Variants in GPHN observed in about 807,000 individuals in gnomAD.
The protein encoded by GPHN is gephyrin.
GPHN carries 17 observed loss-of-function variants against 95.5 expected under a neutral mutation model. That is an observed-to-expected ratio of 0.18 (90% confidence interval 0.12 to 0.27). The LOEUF (loss-of-function observed/expected upper bound fraction) is 0.27. Among genes scored for constraint, GPHN ranks in the 10% least tolerant of loss-of-function variants. The pLI is 1.00. For missense variants in GPHN, 660 were observed against 978.1 expected (o/e 0.67, Z 4.34); for synonymous variants, 320 against 322.5 (o/e 0.99, Z 0.08).
chr14:66,646,804 G>A (rs943748217), intron 1 of GPHN, among the ~76,000 whole-genome samples: 3 of 152,050 alleles, frequency 2.0e-5, no homozygotes, highest in Non-Finnish European at 4.4e-5. Flanking sequence ...CACACAACAG[G>A]GTAATTATAT....
chr14:67,150,694 T>A (rs1384931249), intron 18 of GPHN, among the ~76,000 whole-genome samples: 1 of 151,976 alleles, frequency 6.6e-6, no homozygotes, highest in Admixed American at 6.5e-5. Context: ...ATTATTGTTA[T>A]TTAAGTTTGG....
intron 12 of GPHN, among the ~76,000 whole-genome samples, chr14:67,095,345 T>A (rs2077316627): frequency 6.6e-6 from 1 of 152,180 alleles, no homozygotes; most frequent in African/African-American, 2.4e-5. Context: ...TGTAAACTAG[T>A]TCAACCACTG....
chr14:66,863,834 T>C (rs568760159), intron 4 of GPHN, among the ~76,000 whole-genome samples: 4 of 152,222 alleles, frequency 2.6e-5, no homozygotes, highest in Admixed American at 6.5e-5. Flanking sequence ...GATTAAAAAC[T>C]TAAATCTAAG....
At chr14:67,577,232 G>A in the GPHN span, 2 of 929,166 alleles carry the variant, frequency 2.2e-6, no homozygotes, top group Non-Finnish European at 3.4e-6. Context: ...ATTAAAGATG[G>A]CGGTGAGTGG....
chr14:66,513,166 TG>T (rs1566738235), intron 1 of GPHN, among the ~76,000 whole-genome samples: 1 of 151,806 alleles, frequency 6.6e-6, no homozygotes, highest in Non-Finnish European at 1.5e-5. Context: ...CTATTATCAT[TG>T]GTCAAAGACT....
intron 14 of GPHN, among the ~76,000 whole-genome samples, chr14:67,110,476 A>G (rs186127453): frequency 2.0e-5 from 3 of 152,310 alleles, no homozygotes; most frequent in East Asian, 1.9e-4. Context: ...AGGGGTTTCT[A>G]TGATCATTGC....
chr14:66,510,660 T>C (rs1238635933), intron 1 of GPHN, among the ~76,000 whole-genome samples: 3 of 152,182 alleles, frequency 2.0e-5, no homozygotes, highest in African/African-American at 7.2e-5. Context: ...GAAGGGAGAA[T>C]TTAATACATT....
chr14:67,225,962 T>C, the GPHN span, among the ~76,000 whole-genome samples: 1,522 of 113,432 alleles, frequency 0.013, 28 homozygotes, highest in Admixed American at 0.06. Context: ...TGTGTGTGTG[T>C]GCGCGCGCGC....
chr14:67,540,574 C>T, the GPHN span, among the ~76,000 whole-genome samples: 1 of 148,790 alleles, frequency 6.7e-6, no homozygotes, highest in South Asian at 2.1e-4. Context: ...TGTAGTGAGC[C>T]AAAATTGCAC....
chr14:66,909,951 G>A (rs2065586179), intron 5 of GPHN, among the ~76,000 whole-genome samples: 1 of 151,728 alleles, frequency 6.6e-6, no homozygotes, highest in Non-Finnish European at 1.5e-5. Flanking sequence ...TTTTTTAAAG[G>A]GACCAAATTT....
chr14:66,727,990 C>A (rs958279591), intron 2 of GPHN, among the ~76,000 whole-genome samples: 4 of 152,088 alleles, frequency 2.6e-5, no homozygotes, highest in African/African-American at 9.7e-5. Context: ...ACGGGCTAGG[C>A]CCATGGTCCC....
At chr14:67,237,846 C>T in the GPHN span, among the ~76,000 whole-genome samples, 5 of 152,256 alleles carry the variant, frequency 3.3e-5, no homozygotes, top group East Asian at 9.7e-4. Context: ...GAACTGCTTT[C>T]TGACGAGGAT....
chr14:66,709,230 C>T (rs2069378054), intron 2 of GPHN: 1 of 352,098 alleles, frequency 2.8e-6, no homozygotes, highest in Middle Eastern at 3.9e-4. Context: ...TCTAAACAAC[C>T]ATTCTTTTAA....
chr14:67,293,881 G>T, the GPHN span, among the ~76,000 whole-genome samples: 1 of 152,046 alleles, frequency 6.6e-6, no homozygotes, highest in Admixed American at 6.6e-5. Flanking sequence ...TACAACAATG[G>T]GTGAAGAAGA....
chr14:67,587,327 C>A, the GPHN span: 1 of 1,367,808 alleles, frequency 7.3e-7, no homozygotes, highest in Non-Finnish European at 1.0e-6. Flanking sequence ...ACGGGTCTAA[C>A]AGCCCCCGGC....
intron 2 of GPHN, among the ~76,000 whole-genome samples, chr14:66,754,272 T>A (rs1229157903): frequency 6.6e-6 from 1 of 152,098 alleles, no homozygotes; most frequent in Admixed American, 6.6e-5. Context: ...TTCAGCATTC[T>A]GAGAAACTTA....
chr14:67,013,360 C>T (rs953362841), intron 9 of GPHN, among the ~76,000 whole-genome samples: 7 of 151,932 alleles, frequency 4.6e-5, no homozygotes, highest in Non-Finnish European at 1.5e-5. Flanking sequence ...TGTCTCTGGA[C>T]CTACAGGTAT....
At chr14:67,703,052 G>A in the GPHN span, among the ~76,000 whole-genome samples, 7 of 152,096 alleles carry the variant, frequency 4.6e-5, no homozygotes, top group Admixed American at 1.3e-4. Flanking sequence ...GCTCCTGGGC[G>A]CAAATGATCC....
chr14:67,586,830 T>C, the GPHN span: 4 of 1,478,394 alleles, frequency 2.7e-6, no homozygotes, highest in South Asian at 2.4e-5. Flanking sequence ...AGCAGAACAC[T>C]GGGCCTCCTT....
Sources: gnomAD v4.1 joint callset for allele counts (sites outside exome capture counted in the v4.1 genomes callset) on GRCh38, gnomAD v4.1.1 for gene constraint, MANE v1.5 for transcripts, NCBI Gene and HGNC (gene_info 2026-07-23, HGNC 2026-07-21) for gene names.